Variants in ZNF800 observed in about 807,000 individuals in gnomAD.
The protein encoded by ZNF800 is zinc finger protein 800.
ZNF800 carries 13 observed loss-of-function variants against 59.5 expected under a neutral mutation model. That is an observed-to-expected ratio of 0.22 (90% CI 0.14 to 0.35). The LOEUF is 0.35. Ranked by LOEUF, ZNF800 falls within the 10% of genes least tolerant of loss-of-function variation. The pLI is 1.00. For synonymous variants in ZNF800, 266 were observed against 265.7 expected (o/e 1.00, Z -0.01); for missense variants, 621 against 783.7 (o/e 0.79, Z 2.48).
At chr7:127,369,482 C>A (rs1296715783), downstream of ZNF800, among the ~76,000 whole-genome samples, 2 of 152,122 alleles carry the variant, frequency 1.3e-5, no homozygotes, top group African/African-American at 4.8e-5. Context: ...CAAGTCAAAT[C>A]AGGAAGGATG....
At chr7:127,380,347 T>TA (rs1253117448) in intron 3 of ZNF800, among the ~76,000 whole-genome samples, 4 of 152,288 alleles carry the variant, frequency 2.6e-5, no homozygotes, top group Admixed American at 6.5e-5. Context: ...CTCTATGTAT[T>TA]AAAAAAACCT....
downstream of ZNF800, among the ~76,000 whole-genome samples, chr7:127,365,152 A>G (rs1277574177): frequency 6.6e-6 from 1 of 152,176 alleles, no homozygotes; most frequent in African/African-American, 2.4e-5. Context: ...GCAATTATAT[A>G]TGGGCTAATA....
intron 1 of ZNF800, among the ~76,000 whole-genome samples, chr7:127,355,843 T>C (rs1800260475): frequency 6.6e-6 from 1 of 152,096 alleles, no homozygotes; most frequent in South Asian, 2.1e-4. Context: ...AACACACATC[T>C]AGATCCAACT....
chr7:127,373,185 G>C, intron 5 of ZNF800, 157 bp downstream of exon 5: 4 of 985,416 alleles, frequency 4.1e-6, no homozygotes, highest in Non-Finnish European at 4.8e-6. Flanking sequence ...CACTGAAGAG[G>C]TAAATGCAAT....
chr7:127,356,275 G>A (rs1800268764), intron 1 of ZNF800, among the ~76,000 whole-genome samples: 1 of 151,568 alleles, frequency 6.6e-6, no homozygotes, highest in Admixed American at 6.6e-5. Flanking sequence ...GTGTGTATGT[G>A]TGTGTGAGAG....
At position 127,374,013 on chromosome 7, in the gene ZNF800, C is replaced by T; in HGVS notation, c.1323G>A (p.Lys441=). The T allele has an allele frequency of 6.2e-7, 1 of 1,613,778 alleles. No homozygotes were observed. The part of the protein sequence containing the change: ...LKGTNHSNEK[K]NTPAAQKNKV... Reference sequence around the variant, plus strand: ...TATTTTTCTGTGCTGCCGGTGTGTTCTTTTTTTCATTTGAATGATTTGTTC... The same window carrying T: ...TATTTTTCTGTGCTGCCGGTGTGTTTTTTTTTTCATTTGAATGATTTGTTC... The change falls in exon 5 of 6, where the codon AAG becomes AAA. Residue 441 remains lysine, a synonymous_variant. Coordinates refer to ENST00000265827, the MANE Select transcript of ZNF800 (RefSeq NM_176814.5).
intron 2 of ZNF800, among the ~76,000 whole-genome samples, chr7:127,389,037 A>G (rs182401683): frequency 1.3e-5 from 2 of 152,290 alleles, no homozygotes; most frequent in African/African-American, 2.4e-5. Flanking sequence ...CACCCTTCCA[A>G]AAACACACTT....
intron 3 of ZNF800, among the ~76,000 whole-genome samples, chr7:127,383,929 G>A (rs1414937713): frequency 1.3e-5 from 2 of 151,646 alleles, no homozygotes; most frequent in Non-Finnish European, 2.9e-5. Flanking sequence ...TAAAAAGATC[G>A]CAGTTCAAAA....
chr7:127,358,012 T>C (rs1422870930), intron 1 of ZNF800, among the ~76,000 whole-genome samples: 1 of 152,012 alleles, frequency 6.6e-6, no homozygotes. Context: ...CTTCAAAGTC[T>C]ATGGCTTCAA....
At chr7:127,344,506 T>A (rs7805194), downstream of ZNF800, among the ~76,000 whole-genome samples, 1 of 151,832 alleles carries the variant, frequency 6.6e-6, no homozygotes, top group Non-Finnish European at 1.5e-5. Flanking sequence ...TCTTTTGGAA[T>A]GTGACCAAAA....
chr7:127,347,525 G>A (rs927648934), exon 2 of ZNF800: 1 of 152,208 alleles, frequency 6.6e-6, no homozygotes, highest in Non-Finnish European at 1.5e-5. Flanking sequence ...CAGGCTGAAA[G>A]GAAAAGGATG....
chr7:127,376,707 T>C (rs1277721739), intron 4 of ZNF800, among the ~76,000 whole-genome samples: 3 of 152,004 alleles, frequency 2.0e-5, no homozygotes, highest in Non-Finnish European at 2.9e-5. Flanking sequence ...TTTTTAATGC[T>C]CTCCACCATT....
At chr7:127,353,226 G>A (rs1191580140) in intron 1 of ZNF800, among the ~76,000 whole-genome samples, 1 of 152,234 alleles carries the variant, frequency 6.6e-6, no homozygotes, top group African/African-American at 2.4e-5. Flanking sequence ...TTCCTTTTGG[G>A]ATGTTTTGTT....
At chr7:127,369,793 T>C (rs374634445), downstream of ZNF800, among the ~76,000 whole-genome samples, 7 of 151,980 alleles carry the variant, frequency 4.6e-5, no homozygotes, top group East Asian at 1.9e-4. Flanking sequence ...CCTGTAGAAA[T>C]AGGTGGGTAG....
intron 2 of ZNF800, among the ~76,000 whole-genome samples, chr7:127,388,282 T>A (rs1801201838): frequency 6.6e-6 from 1 of 152,178 alleles, no homozygotes; most frequent in African/African-American, 2.4e-5. Context: ...CAAAAAATCT[T>A]TTTTCAAAAT....
At chr7:127,365,123 A>G (rs1800478656), downstream of ZNF800, among the ~76,000 whole-genome samples, 1 of 152,080 alleles carries the variant, frequency 6.6e-6, no homozygotes, top group African/African-American at 2.4e-5. Context: ...AAATCACTAA[A>G]TGCACACCCA....
chr7:127,349,065 G>GA (rs565059272), intron 1 of ZNF800, among the ~76,000 whole-genome samples: 296 of 145,966 alleles, frequency 2.0e-3, no homozygotes, highest in Non-Finnish European at 3.2e-3. Context: ...TTCCACTTTA[G>GA]AAAAAAAAAA....
intron 3 of ZNF800, among the ~76,000 whole-genome samples, chr7:127,384,227 C>CTTTTTTTTTTTTGTTTTTTTTTTTTTT: frequency 1.6e-5 from 1 of 63,392 alleles, no homozygotes; most frequent in African/African-American, 7.0e-5. Context: ...ATTCTAACTT[C>CTTTTTTTTTTTTGTTTTTTTTTTTTTT]TTTTTTTTTT....
chr7:127,358,879 C>A (rs1008227508), intron 1 of ZNF800, among the ~76,000 whole-genome samples: 17 of 152,088 alleles, frequency 1.1e-4, no homozygotes, highest in Non-Finnish European at 1.8e-4. Flanking sequence ...ACAGTGAAAT[C>A]TGAAGAATAC....
Sources: gnomAD v4.1 joint callset for allele counts (sites outside exome capture counted in the v4.1 genomes callset) on GRCh38, gnomAD v4.1.1 for gene constraint, MANE v1.5 for transcripts, NCBI Gene and HGNC (gene_info 2026-07-23, HGNC 2026-07-21) for gene names.